IMPG1: variants seen among roughly 807,000 people sequenced by gnomAD.
The protein encoded by IMPG1 is interphotoreceptor matrix proteoglycan 1, also known as interphotoreceptor matrix proteoglycan of 150 kDa.
IMPG1 carries 85 observed loss-of-function variants against 92.0 expected under a neutral mutation model. The ratio of observed to expected loss-of-function variants is 0.92; its 90% confidence interval spans 0.78 to 1.11. The LOEUF (loss-of-function observed/expected upper bound fraction) is 1.11, where lower values mean the gene tolerates loss of function less well. Among genes scored for constraint, IMPG1 ranks in the 50% least tolerant of loss-of-function variants. IMPG1 has a pLI of 0.00. For missense variants in IMPG1, 1,022 were observed against 956.0 expected, an observed-to-expected ratio of 1.07 and a Z score of -0.91; for synonymous variants, 367 against 334.1, an observed-to-expected ratio of 1.10 and a Z score of -1.08.
intron 4 of IMPG1, among the ~76,000 whole-genome samples, chr6:76,029,191 T>A (rs1783610128): frequency 6.6e-6 from 1 of 152,156 alleles, no homozygotes; most frequent in South Asian, 2.1e-4. Flanking sequence ...GTCCAGGAGC[T>A]CCAAGTTTAT....
intron 2 of IMPG1, among the ~76,000 whole-genome samples, chr6:76,035,595 G>GGT (rs1783730335): frequency 6.6e-6 from 1 of 151,842 alleles, no homozygotes. Flanking sequence ...CTGGAGTGCA[G>GGT]GTCCCCTGGC....
At chr6:76,059,662 A>T (rs1382832324) in intron 1 of IMPG1, among the ~76,000 whole-genome samples, 15 of 152,306 alleles carry the variant, frequency 9.8e-5, no homozygotes, top group African/African-American at 3.1e-4. Flanking sequence ...ATACAACTGG[A>T]TACAGGTCAC....
chr6:76,035,007 TGTGTGTGTGC>T (rs1392735165), intron 2 of IMPG1, among the ~76,000 whole-genome samples: 2 of 151,942 alleles, frequency 1.3e-5, no homozygotes, highest in Non-Finnish European at 1.5e-5. Flanking sequence ...TGCGTGTGTG[TGTGTGTGTGC>T]GTGTGTGTGT....
At chr6:76,026,553 C>T (rs930885919) in intron 4 of IMPG1, among the ~76,000 whole-genome samples, 1 of 152,238 alleles carries the variant, frequency 6.6e-6, no homozygotes, top group East Asian at 1.9e-4. Flanking sequence ...AAGGGTCCCA[C>T]ACAGCTGGCT....
intron 2 of IMPG1, among the ~76,000 whole-genome samples, chr6:76,035,078 A>G (rs1783717033): frequency 6.6e-6 from 1 of 152,072 alleles, no homozygotes; most frequent in Non-Finnish European, 1.5e-5. Context: ...ACCTCACTAT[A>G]AAGGTGACTT....
intron 12 of IMPG1, among the ~76,000 whole-genome samples, chr6:75,969,936 A>G (rs1782376837): frequency 6.6e-6 from 1 of 151,806 alleles, no homozygotes; most frequent in Admixed American, 6.6e-5. Context: ...CTGGTAATAA[A>G]TTTAATTCCT....
At position 76,003,941 on chromosome 6, in the gene IMPG1, C is replaced by G. The variant is rs1783045735; in HGVS notation, c.1145G>C (p.Gly382Ala). ...GTCAGGACCAAAGGCTGGCAGTGAT[C>G]CAGCAATTTCTATGGGTAAAAAATC... ...GTIQFTDEIA[G>A]SLPAFGPDTQ... The change falls in exon 11 of 17, where the codon GGA (glycine) becomes GCA (alanine). Residue 382 changes from glycine (G) to alanine (A), a missense_variant. Around this residue, in one of 3 missense-constraint regions of IMPG1, gnomAD observed 681 missense variants for 583.6 expected, o/e 1.17. Transcript: ENST00000369950. 2 of 1,611,260 alleles carry G rather than the reference C, an allele frequency of 1.2e-6. No homozygotes were observed. Among genetic ancestry groups the G allele is most frequent in the Non-Finnish European group, 1.7e-6 (2 of 1,178,756 alleles).
intron 12 of IMPG1, among the ~76,000 whole-genome samples, chr6:75,979,067 C>G (rs1424970384): frequency 1.3e-5 from 2 of 152,070 alleles, no homozygotes; most frequent in Non-Finnish European, 2.9e-5. Flanking sequence ...TGTGTGCCAC[C>G]ATACCTACCT....
At chr6:75,978,643 T>C (rs1782576650) in intron 12 of IMPG1, among the ~76,000 whole-genome samples, 1 of 152,220 alleles carries the variant, frequency 6.6e-6, no homozygotes, top group South Asian at 2.1e-4. Context: ...GCTTCATTCA[T>C]TCATTTGGGT....
In IMPG1 at chr6:75,947,314, C is replaced by G. The variant is rs751929839; in HGVS notation, c.2044G>C (p.Ala682Pro). Residue 682 changes from alanine (A) to proline (P), a missense_variant and splice_region_variant, in exon 14 of 17, where the codon GCT (alanine) becomes CCT (proline). Ala to Pro is a conservative substitution (Grantham distance 27). Transcript: ENST00000369950. ...IDSYSLNIEP[A>P]DQADPCKFLA... The stretch of plus-strand genomic sequence containing the variant: ...CACTTTCTGGGTTGGATTCTTTTAC[C>G]TGGTTCAATGTTGAGAGAGTAGCTG... 2.5e-6 allele frequency: 4 copies of G among 1,610,442 alleles called. No individual in the cohort carries two copies. The highest frequency in any genetic ancestry group is 4.5e-5 in the East Asian group (2 of 44,838).
chr6:76,013,716 T>G (rs1783232102), intron 7 of IMPG1, among the ~76,000 whole-genome samples: 1 of 152,178 alleles, frequency 6.6e-6, no homozygotes, highest in Non-Finnish European at 1.5e-5. Context: ...ACCCAGCACA[T>G]TTTGTTTAAT....
At position 76,025,230 on chromosome 6, in the gene IMPG1, A is replaced by G. The variant is rs762376586; in HGVS notation, c.526T>C (p.Leu176=). The change falls in exon 5 of 17, where the codon TTG becomes CTG. Residue 176 remains leucine (L), a synonymous_variant. Coordinates refer to ENST00000369950, the MANE Select transcript of IMPG1 (RefSeq NM_001563.4). ...ACAATGGTTTCACCAGGCTCTCCCA[A>G]TGTCTTCTCTGCAGATATTTCATCT... is the stretch of plus-strand genomic sequence containing the variant. ...RKDEISAEKT[L]GEPGETIVIS... is the part of the protein sequence containing the mutation. 4 of 1,600,424 alleles carry G rather than the reference A, an allele frequency of 2.5e-6. No individual in the cohort carries two copies. Among genetic ancestry groups the G allele is most frequent in the South Asian group, 1.1e-5 (1 of 90,288 alleles).
rs1187822123 is a variant in IMPG1, at chr6:76,034,723, T to C, written c.366A>G (p.Glu122=). 6 of 1,613,942 alleles carry C rather than the reference T, an allele frequency of 3.7e-6. No homozygotes were observed. The highest frequency in any genetic ancestry group is 1.7e-5 in the Admixed American group (1 of 60,024). Residue 122 remains glutamate, a synonymous_variant, in exon 3 of 17, where the codon GAA becomes GAG. Coordinates refer to ENST00000369950, the MANE Select transcript of IMPG1 (RefSeq NM_001563.4). The stretch of plus-strand genomic sequence containing the variant: ...GGCAGATGCTGACCCAGTCCTGATA[T>C]TCCCCTGTGTCAGGGATGCGATCCA... ...IFLDRIPDTG[E]YQDWVSICQQ... is the part of the protein sequence containing the mutation.
intron 12 of IMPG1, among the ~76,000 whole-genome samples, chr6:75,993,634 A>C (rs1170104242): frequency 1.3e-5 from 2 of 152,192 alleles, no homozygotes; most frequent in Non-Finnish European, 2.9e-5. Flanking sequence ...ATTACCTTCC[A>C]AATACCATCA....
intron 12 of IMPG1, among the ~76,000 whole-genome samples, chr6:75,976,768 C>T (rs564483784): frequency 1.5e-4 from 23 of 152,002 alleles, no homozygotes; most frequent in African/African-American, 2.7e-4. Context: ...AAGAACTAGC[C>T]GGGCGTGGTG....
chr6:76,013,903 A>G (rs1783235872), intron 7 of IMPG1, among the ~76,000 whole-genome samples: 1 of 152,224 alleles, frequency 6.6e-6, no homozygotes. Flanking sequence ...TTTTTCCCCC[A>G]GCAGACTGAT....
rs2149446247 is a variant in IMPG1, at chr6:75,921,596, A to C, written c.*493T>G. 2 of 153,482 alleles carry C rather than the reference A, an allele frequency of 1.3e-5. 1 individual carries two copies. The highest frequency in any genetic ancestry group is 4.1e-4 in the South Asian group (2 of 4,866). 9.5% of individuals were successfully genotyped at this position (153,482 alleles called of 1,614,324 possible). ...GTGTTTATCAGACGTAGTGTGGAGCATATATACACTCACTACAGTGCCTAC... is the reference window on the plus strand; with the variant it reads ...GTGTTTATCAGACGTAGTGTGGAGCCTATATACACTCACTACAGTGCCTAC... On this transcript the variant is annotated 3_prime_UTR_variant, in exon 17 of 17. Coordinates refer to ENST00000369950, the MANE Select transcript of IMPG1 (RefSeq NM_001563.4).
At chr6:76,002,544 G>T (rs1261292761) in intron 12 of IMPG1, among the ~76,000 whole-genome samples, 1 of 152,224 alleles carries the variant, frequency 6.6e-6, no homozygotes, top group Non-Finnish European at 1.5e-5. Flanking sequence ...ATGGCTGCTT[G>T]TCATGGACTT....
Position 76,022,138 on chromosome 6 carries a change from T to TTGAG in IMPG1, c.640_643dup (p.Asn215ThrfsTer40), listed in dbSNP as rs767400155. The stretch of plus-strand genomic sequence containing the variant: ...TACTGTTGTAGGCATCTTGGTGTCG[T>TTGAG]TGAGTGTATTATCGAGAATTTCATT... On this transcript the variant is annotated frameshift_variant, in exon 6 of 17. Transcript: ENST00000369950. LOFTEE classifies it high-confidence loss of function. 7 of 1,589,854 alleles carry TTGAG rather than the reference T, an allele frequency of 4.4e-6. No homozygotes were observed. The highest frequency in any genetic ancestry group is 4.3e-6 in the Non-Finnish European group (5 of 1,162,282).
Sources: gnomAD v4.1 joint callset for allele counts (sites outside exome capture counted in the v4.1 genomes callset) on GRCh38, gnomAD v4.1.1 for gene constraint, gnomAD v4.1.1 regional missense constraint, MANE v1.5 for transcripts, NCBI Gene and HGNC (gene_info 2026-07-23, HGNC 2026-07-21) for gene names.